Variants in LIN9 observed in about 807,000 individuals in gnomAD.
LIN9 encodes the protein protein lin-9 homolog.
Under a neutral mutation model 78.0 loss-of-function variants are expected in LIN9, and 18 were observed. The ratio of observed to expected loss-of-function variants is 0.23; its 90% CI spans 0.16 to 0.34. LIN9 has a LOEUF of 0.34. Among genes scored for constraint, LIN9 ranks in the 10% least tolerant of loss-of-function variants. The probability of loss-of-function intolerance (pLI) is 1.00; values close to 1 mark genes in which losing one functional copy is unlikely to be tolerated. For synonymous variants in LIN9, 192 were observed against 215.2 expected (o/e 0.89, Z 0.94); for missense variants, 451 against 644.1 (o/e 0.70, Z 3.25).
intron 1 of LIN9, among the ~76,000 whole-genome samples, chr1:226,302,298 C>T (rs1662591069): frequency 6.6e-6 from 1 of 152,092 alleles, no homozygotes; most frequent in South Asian, 2.1e-4. Context: ...AATCCCAGCA[C>T]TTTGGGAGGC....
At chr1:226,290,680 G>C (rs6605036) in intron 4 of LIN9, among the ~76,000 whole-genome samples, 150,352 of 152,312 alleles carry the variant, frequency 0.99, 74,216 homozygotes, top group East Asian at 1. Context: ...AATCTAGATG[G>C]TTGGTTCTGT....
chr1:226,299,504 C>CAA lies in LIN9; in HGVS notation c.64+1667_64+1668dup, dbSNP rs34440310. On this transcript the variant is annotated intron_variant, in intron 2 of 14. Transcript: ENST00000681046. ...TGGGCGACAAACCGAGACTCAGTCT[C>CAA]AAAAAAAAAAAAAAAAAAGGCAGGG... is the stretch of plus-strand genomic sequence containing the variant. Among the ~76,000 whole-genome samples, 8 of 88,928 alleles carry CAA rather than the reference C, an allele frequency of 9.0e-5. No individual in the cohort carries two copies. In the South Asian group the frequency reaches 2.5e-3, roughly 27 times the overall value. 58.3% of individuals were successfully genotyped at this position (88,928 alleles called of 152,430 possible). A position where few individuals can be genotyped will look rare whatever the true frequency, so the allele number is the denominator to read the frequency against.
intron 11 of LIN9, among the ~76,000 whole-genome samples, chr1:226,241,895 A>C (rs1254656733): frequency 6.6e-6 from 1 of 152,086 alleles, no homozygotes; most frequent in East Asian, 1.9e-4. Context: ...TAACTAATGA[A>C]CCATAAAAAA....
intron 12 of LIN9, among the ~76,000 whole-genome samples, chr1:226,234,240 C>T (rs1201958460): frequency 6.6e-6 from 1 of 152,198 alleles, no homozygotes; most frequent in Non-Finnish European, 1.5e-5. Flanking sequence ...CAAACTTTTA[C>T]CTACCAATTT....
intron 10 of LIN9, among the ~76,000 whole-genome samples, chr1:226,256,552 AAT>A (rs754927514): frequency 1.2e-4 from 18 of 146,780 alleles, no homozygotes; most frequent in East Asian, 2.1e-4. Context: ...AAATAAAATA[AAT>A]ATATATATAT....
In LIN9 at chr1:226,237,632, CAAAAAA is replaced by C. The variant is rs1167453006; in HGVS notation, c.1245+1333_1245+1338del. On this transcript the variant is annotated intron_variant, in intron 12 of 14. Coordinates refer to ENST00000681046, the MANE Select transcript of LIN9 (RefSeq NM_001366245.2). ...GGGCAACAAGGGCGAAACTCTGTCT[CAAAAAA>C]AAAAAAAAAAAAAAAATCTGGTATC... is the stretch of plus-strand genomic sequence containing the variant. Among the ~76,000 whole-genome samples, 8 of 57,446 alleles carry C rather than the reference CAAAAAA, an allele frequency of 1.4e-4. No individual in the cohort carries two copies. In the East Asian group the frequency reaches 2.7e-3, roughly 19 times the overall value. 37.7% of individuals were successfully genotyped at this position (57,446 alleles called of 152,430 possible). A position where few individuals can be genotyped will look rare whatever the true frequency, so the allele number is the denominator to read the frequency against.
rs552844544 is a variant in LIN9 at position 226,279,245 on chromosome 1, T to C, written c.525-1313A>G. ...CACTTTGTAGTCCGAGGTGGAAGAA[T>C]TGCTTGAGCCCAGGAGTCTGAGACC... On this transcript the variant is annotated intron_variant, in intron 6 of 14. Coordinates refer to ENST00000681046, the MANE Select transcript of LIN9 (RefSeq NM_001366245.2). Among the ~76,000 whole-genome samples, 4 of 152,040 alleles carry C rather than the reference T, an allele frequency of 2.6e-5. 1 individual carries two copies. The highest frequency in any genetic ancestry group is 4.2e-4 in the South Asian group (2 of 4,808).
At position 226,231,591 on chromosome 1, in the gene LIN9, C is replaced by T. The variant is rs1382143821; in HGVS notation, c.*910G>A. The T allele has an allele frequency of 6.6e-6, 1 of 152,508 alleles. No homozygotes were observed. Among genetic ancestry groups the T allele is most frequent in the Non-Finnish European group, 1.5e-5 (1 of 68,014 alleles). 9.4% of individuals were successfully genotyped at this position (152,508 alleles called of 1,614,324 possible). On this transcript the variant is annotated 3_prime_UTR_variant, in exon 15 of 15. Coordinates refer to ENST00000681046, the MANE Select transcript of LIN9 (RefSeq NM_001366245.2). Reference sequence around the variant, plus strand: ...CAAGCCTTTCTTCTGCATTTCACAGCACTGGTTATTATATTTGTTTTCCTT... The same window carrying T: ...CAAGCCTTTCTTCTGCATTTCACAGTACTGGTTATTATATTTGTTTTCCTT...
intron 4 of LIN9, among the ~76,000 whole-genome samples, chr1:226,294,416 A>G (rs1468561430): frequency 6.6e-6 from 1 of 152,088 alleles, no homozygotes; most frequent in African/African-American, 2.4e-5. Context: ...CCCCATCTCT[A>G]CTAAAAATAC....
chr1:226,249,690 G>A (rs1204847312), intron 11 of LIN9, among the ~76,000 whole-genome samples: 1 of 152,122 alleles, frequency 6.6e-6, no homozygotes, highest in African/African-American at 2.4e-5. Context: ...ATCAGTCACA[G>A]CACTTTGCCC....
chr1:226,274,039 T>C (rs1177841020), intron 7 of LIN9, among the ~76,000 whole-genome samples: 7 of 152,024 alleles, frequency 4.6e-5, no homozygotes, highest in African/African-American at 7.2e-5. Flanking sequence ...GGTTTCACCA[T>C]GTTGGTCAGG....
At chr1:226,261,017 C>T (rs917417630) in intron 10 of LIN9, among the ~76,000 whole-genome samples, 3 of 151,708 alleles carry the variant, frequency 2.0e-5, no homozygotes, top group African/African-American at 7.3e-5. Flanking sequence ...TCCATCACAT[C>T]AGTAGGCTAA....
chr1:226,243,619 C>T (rs556386146), intron 11 of LIN9, among the ~76,000 whole-genome samples: 3 of 149,328 alleles, frequency 2.0e-5, no homozygotes, highest in South Asian at 4.3e-4. Flanking sequence ...TCGCTTAAAC[C>T]CAGGAGGTAG....
intron 10 of LIN9, among the ~76,000 whole-genome samples, chr1:226,260,632 T>G (rs12074683): frequency 0.17 from 9,082 of 54,268 alleles, 921 homozygotes; most frequent in African/African-American, 0.22. Flanking sequence ...AAATGAGTTT[T>G]TTTTTTTTTT....
intron 7 of LIN9, among the ~76,000 whole-genome samples, chr1:226,274,940 T>G (rs1660541072): frequency 6.6e-6 from 1 of 152,252 alleles, no homozygotes; most frequent in Non-Finnish European, 1.5e-5. Context: ...AGTCACTGTC[T>G]GCTAATCCCA....
intron 8 of LIN9, among the ~76,000 whole-genome samples, chr1:226,267,705 G>A (rs1224051411): frequency 6.6e-6 from 1 of 152,140 alleles, no homozygotes. Flanking sequence ...TATTTAGTCA[G>A]GACTCATCAG....
At chr1:226,285,085 TTAAA>T (rs1661310178) in intron 6 of LIN9, among the ~76,000 whole-genome samples, 2 of 152,158 alleles carry the variant, frequency 1.3e-5, no homozygotes, top group African/African-American at 4.8e-5. Flanking sequence ...GACTATAAGA[TTAAA>T]TAATGTTATG....
At chr1:226,234,555 T>A (rs2102823031) in intron 12 of LIN9, among the ~76,000 whole-genome samples, 1 of 152,286 alleles carries the variant, frequency 6.6e-6, no homozygotes, top group Non-Finnish European at 1.5e-5. Flanking sequence ...ACATTTTACT[T>A]CCTTGGCATA....
chr1:226,249,578 G>A (rs1213233652), intron 11 of LIN9, among the ~76,000 whole-genome samples: 1 of 152,124 alleles, frequency 6.6e-6, no homozygotes, highest in East Asian at 1.9e-4. Flanking sequence ...TTTTGCAGCT[G>A]TAGATACCTA....
Sources: allele counts gnomAD v4.1 joint callset (sites outside exome capture counted in the v4.1 genomes callset), GRCh38; gene constraint gnomAD v4.1.1; transcripts MANE v1.5; gene names NCBI Gene and HGNC (gene_info 2026-07-23, HGNC 2026-07-21).